The following KMT2C variants were observed in gnomAD, a reference collection of about 807,000 sequenced individuals.
KMT2C encodes the protein histone-lysine N-methyltransferase 2C.
In KMT2C, 88 loss-of-function variants were observed where a neutral mutation model predicts 507.9. That is an observed-to-expected ratio of 0.17 (90% CI 0.15 to 0.21). The LOEUF (loss-of-function observed/expected upper bound fraction) is 0.21, where lower values mean the gene tolerates loss of function less well. Among genes scored for constraint, KMT2C ranks in the 10% least tolerant of loss-of-function variants. The pLI, the probability that KMT2C is intolerant of heterozygous loss-of-function variation, is 1.00. For missense variants in KMT2C, 4,954 were observed against 5,957.8 expected (o/e 0.83, Z 5.55); for synonymous variants, 2,049 against 2,080.8 (o/e 0.98, Z 0.42).
rs2129164618 is a variant in KMT2C at position 152,248,624 on chromosome 7, C to T, written c.1814-4G>A. ...TTCACTGTATGTTGGGATGATACTA[C>T]AAAATTCAGAACATTTGTTATGGCA... On this transcript the variant is annotated splice_region_variant and splice_polypyrimidine_tract_variant and intron_variant, in intron 13 of 58. Coordinates refer to ENST00000262189, the MANE Select transcript of KMT2C (RefSeq NM_170606.3). 1 of 1,573,882 alleles carries T rather than the reference C, an allele frequency of 6.4e-7. No individual in the cohort carries two copies. Among genetic ancestry groups the T allele is most frequent in the South Asian group, 1.1e-5 (1 of 87,822 alleles).
chr7:152,191,374 GT>G (rs1328686796), intron 31 of KMT2C, among the ~76,000 whole-genome samples: 10 of 152,182 alleles, frequency 6.6e-5, no homozygotes, highest in Admixed American at 6.5e-4. Context: ...TTTATACATA[GT>G]CTAATTCACT....
intron 26 of KMT2C, among the ~76,000 whole-genome samples, chr7:152,201,783 T>G (rs1009310623): frequency 6.6e-6 from 1 of 152,050 alleles, no homozygotes; most frequent in Non-Finnish European, 1.5e-5. Context: ...AGGCACAGGC[T>G]AGGCACTTTA....
chr7:152,291,376 A>G (rs1330990661), intron 6 of KMT2C, among the ~76,000 whole-genome samples: 1 of 152,292 alleles, frequency 6.6e-6, no homozygotes, highest in Admixed American at 6.5e-5. Context: ...ATAATAGTTC[A>G]CTAAAACATG....
chr7:152,180,256 A>G, intron 36 of KMT2C, 130 bp from the exon 37 acceptor site: 1 of 928,904 alleles, frequency 1.1e-6, no homozygotes, highest in Non-Finnish European at 1.7e-6. Context: ...CCTGGACTCA[A>G]GTGATCCTCC....
chr7:152,255,144 T>TATATATATATATATATAC (rs1361185988), intron 9 of KMT2C, among the ~76,000 whole-genome samples: 7 of 120,364 alleles, frequency 5.8e-5, no homozygotes, highest in African/African-American at 1.3e-4. Flanking sequence ...TATATATATA[T>TATATATATATATATATAC]ACATATATAT....
rs188466535 is a variant in KMT2C, at chr7:152,265,317, T to C, written c.1013-108A>G. The C allele has an allele frequency of 1.3e-4, 195 of 1,501,838 alleles. 1 individual carries two copies. Among genetic ancestry groups the C allele is most frequent in the African/African-American group, 1.1e-3 (78 of 71,672 alleles). 93.0% of individuals were successfully genotyped at this position (1,501,838 alleles called of 1,614,324 possible). ...TTTGCATCATGAACCTTTCAGACAT[T>C]TGAAGTTATTCACATTGAATTGTCA... On this transcript the variant is annotated intron_variant, in intron 7 of 58. Transcript: ENST00000262189.
intron 1 of KMT2C, among the ~76,000 whole-genome samples, chr7:152,384,600 CA>C: frequency 5.0e-4 from 1 of 2,012 alleles, no homozygotes. Flanking sequence ...CCACCACCAC[CA>C]CCACCACCAC....
chr7:152,255,116 T>TATATATATATATATATATAC (rs2095628667), intron 9 of KMT2C, among the ~76,000 whole-genome samples: 2 of 95,742 alleles, frequency 2.1e-5, no homozygotes, highest in South Asian at 6.5e-4. Context: ...CACTTATATA[T>TATATATATATATATATATAC]ATATATATAT....
At chr7:152,409,563 C>CA (rs367688749) in intron 1 of KMT2C, among the ~76,000 whole-genome samples, 29,617 of 99,062 alleles carry the variant, frequency 0.3, 3,853 homozygotes, top group African/African-American at 0.47. Flanking sequence ...GCTAAAAATA[C>CA]AAAAAAAAAA....
chr7:152,259,444 G>GCACACACACA (rs751421198), intron 9 of KMT2C, among the ~76,000 whole-genome samples: 1 of 85,370 alleles, frequency 1.2e-5, no homozygotes, highest in Non-Finnish European at 2.3e-5. Flanking sequence ...ACACACACAC[G>GCACACACACA]CGCACACACA....
chr7:152,164,291 A>T (rs1036516399), intron 42 of KMT2C, among the ~76,000 whole-genome samples: 16 of 142,648 alleles, frequency 1.1e-4, no homozygotes, highest in African/African-American at 1.8e-4. Context: ...ATTGTACAAC[A>T]TTTTTTTTTT....
At chr7:152,367,033 C>A (rs1330508872) in intron 1 of KMT2C, 23 of 612,174 alleles carry the variant, frequency 3.8e-5, no homozygotes, top group Non-Finnish European at 6.6e-5. Flanking sequence ...CTTGCTCTTG[C>A]GGAATCCACA....
intron 1 of KMT2C, among the ~76,000 whole-genome samples, chr7:152,364,715 C>CA (rs969097126): frequency 1.8e-4 from 27 of 149,066 alleles, no homozygotes; most frequent in South Asian, 6.4e-4. Flanking sequence ...AAAGACATAA[C>CA]AAAAAAAAAT....
At chr7:152,147,922 TTATAAAA>T in intron 52 of KMT2C, 104 bp downstream of exon 52, 1 of 1,170,154 alleles carries the variant, frequency 8.5e-7, no homozygotes, top group Non-Finnish European at 1.2e-6. Flanking sequence ...AAAATACACA[TTATAAAA>T]TATAAAACTA....
rs913577705 is a variant in KMT2C, at chr7:152,149,918, G to GA, written c.12775-767dup. Reference sequence around the variant, plus strand: ...TGCACACCAACTTAAACTATCTGGTGAAAAAAAAAATCCTTCTTGCATTTA... The same window carrying GA: ...TGCACACCAACTTAAACTATCTGGTGAAAAAAAAAAATCCTTCTTGCATTTA... On this transcript the variant is annotated intron_variant, in intron 51 of 58. Transcript: ENST00000262189. Among the ~76,000 whole-genome samples, 28 of 149,158 alleles carry GA rather than the reference G, an allele frequency of 1.9e-4. No individual in the cohort carries two copies. The East Asian group carries it at 2.3e-3, about 12-fold the overall frequency.
Position 152,194,378 on chromosome 7 carries a change from T to C in KMT2C, c.4507+62A>G. The C allele has an allele frequency of 2.0e-6, 3 of 1,526,428 alleles. No homozygotes were observed. In the South Asian group the frequency reaches 3.6e-5, roughly 18 times the overall value. The allele number at this position is 1,526,428 out of a possible 1,614,324, so 94.6% of individuals were successfully genotyped here. ...AAGTTAAATTATAACCATGCAAAAA[T>C]CTTTAAAAATCATATTTACTCAGGT... On this transcript the variant is annotated intron_variant, in intron 29 of 58. Transcript: ENST00000262189.
intron 24 of KMT2C, among the ~76,000 whole-genome samples, chr7:152,206,532 T>C (rs1468150348): frequency 1.3e-5 from 2 of 152,116 alleles, no homozygotes. Context: ...TTTAGATCAC[T>C]CTTACCAATA....
chr7:152,214,661 A>C (rs2094529872), intron 23 of KMT2C, among the ~76,000 whole-genome samples: 1 of 152,240 alleles, frequency 6.6e-6, no homozygotes, highest in South Asian at 2.1e-4. Context: ...AACATGGATG[A>C]ACCGGGAGGA....
At chr7:152,374,884 CAAAAAAA>C in intron 1 of KMT2C, among the ~76,000 whole-genome samples, 1 of 77,678 alleles carries the variant, frequency 1.3e-5, no homozygotes, top group South Asian at 4.3e-4. Flanking sequence ...CTCTGTCTCT[CAAAAAAA>C]AAAAAAAAAA....
Sources: allele counts gnomAD v4.1 joint callset (sites outside exome capture counted in the v4.1 genomes callset), GRCh38; gene constraint gnomAD v4.1.1; transcripts MANE v1.5; gene names NCBI Gene and HGNC (gene_info 2026-07-23, HGNC 2026-07-21).